Variants in RNF180 observed in about 807,000 individuals in gnomAD.
RNF180 encodes the protein ring finger protein 180, also known as E3 ubiquitin-protein ligase RNF180.
In RNF180, 38 loss-of-function variants were observed where a neutral mutation model predicts 59.2. That is an observed-to-expected ratio of 0.64 (90% CI 0.50 to 0.84). RNF180 has a LOEUF of 0.84. Among genes scored for constraint, RNF180 ranks in the 40% least tolerant of loss-of-function variants. RNF180 has a pLI of 0.00. For missense variants in RNF180, 705 were observed against 700.9 expected (o/e 1.01, Z -0.07); for synonymous variants, 262 against 240.3 (o/e 1.09, Z -0.84).
intron 5 of RNF180, among the ~76,000 whole-genome samples, chr5:64,319,946 A>T (rs911762997): frequency 1.3e-5 from 2 of 152,228 alleles, no homozygotes; most frequent in Non-Finnish European, 2.9e-5. Context: ...AACATTGTTT[A>T]AAAAAGTCAG....
chr5:64,354,907 T>C (rs1745956616), intron 7 of RNF180, among the ~76,000 whole-genome samples: 1 of 151,670 alleles, frequency 6.6e-6, no homozygotes, highest in Non-Finnish European at 1.5e-5. Context: ...AGACTAGGAG[T>C]AGAAGAAGAC....
intron 5 of RNF180, among the ~76,000 whole-genome samples, chr5:64,253,416 C>A (rs961338884): frequency 6.6e-6 from 1 of 152,090 alleles, no homozygotes; most frequent in African/African-American, 2.4e-5. Context: ...TATTTCAATA[C>A]TAATATTTAT....
intron 1 of RNF180, among the ~76,000 whole-genome samples, chr5:64,198,657 C>T (rs968833841): frequency 1.3e-5 from 2 of 152,108 alleles, no homozygotes; most frequent in South Asian, 4.1e-4. Flanking sequence ...ATGAATCCTC[C>T]CTGCAGTCCC....
chr5:64,347,918 T>C (rs180815390), intron 7 of RNF180, among the ~76,000 whole-genome samples: 73 of 152,284 alleles, frequency 4.8e-4, no homozygotes, highest in African/African-American at 1.8e-3. Context: ...ATAAATGTTT[T>C]AGCTTTGCTA....
intron 2 of RNF180, among the ~76,000 whole-genome samples, chr5:64,202,474 G>A (rs1163973589): frequency 6.6e-6 from 1 of 152,044 alleles, no homozygotes. Context: ...TTGTGGTCAT[G>A]TTTTATTATT....
chr5:64,165,612 A>G (rs1054446348), upstream of RNF180, among the ~76,000 whole-genome samples: 2 of 152,132 alleles, frequency 1.3e-5, no homozygotes, highest in Non-Finnish European at 2.9e-5. Flanking sequence ...AAGGGAGAAA[A>G]ACTTTCCCAC....
chr5:64,213,446 C>A (rs1267729380), intron 3 of RNF180, 112 bp from the exon 4 acceptor site: 2 of 884,762 alleles, frequency 2.3e-6, no homozygotes, highest in Non-Finnish European at 3.5e-6. Flanking sequence ...AGAAAGCTAG[C>A]CTTTTCTGTG....
intron 5 of RNF180, among the ~76,000 whole-genome samples, chr5:64,278,157 G>A (rs867588425): frequency 2.0e-5 from 3 of 152,104 alleles, no homozygotes; most frequent in African/African-American, 2.4e-5. Context: ...GCTGAGTGTC[G>A]AAATGGCATG....
At chr5:64,216,828 G>GT (rs916719256) in intron 4 of RNF180, among the ~76,000 whole-genome samples, 2 of 151,980 alleles carry the variant, frequency 1.3e-5, no homozygotes, top group Non-Finnish European at 2.9e-5. Flanking sequence ...TAGTCCTTTT[G>GT]TTTTTCATTT....
At chr5:64,250,026 T>C (rs940415649) in intron 5 of RNF180, among the ~76,000 whole-genome samples, 2 of 152,292 alleles carry the variant, frequency 1.3e-5, no homozygotes, top group African/African-American at 4.8e-5. Flanking sequence ...TTTTCTCAAC[T>C]GCACATGGAA....
intron 1 of RNF180, among the ~76,000 whole-genome samples, chr5:64,195,586 T>C (rs796143964): frequency 2.0e-5 from 3 of 152,310 alleles, no homozygotes; most frequent in African/African-American, 7.2e-5. Context: ...AATTTTACCA[T>C]TGGCTAATTG....
intron 5 of RNF180, among the ~76,000 whole-genome samples, chr5:64,266,222 T>C (rs909907490): frequency 6.6e-6 from 1 of 152,206 alleles, no homozygotes; most frequent in Non-Finnish European, 1.5e-5. Context: ...TTATTTCTTT[T>C]GCCTGATTGC....
intron 5 of RNF180, among the ~76,000 whole-genome samples, chr5:64,247,522 G>C (rs930861544): frequency 1.3e-5 from 2 of 152,074 alleles, no homozygotes; most frequent in Non-Finnish European, 2.9e-5. Context: ...GCTTCAAAGA[G>C]AATAAAATAC....
chr5:64,179,170 T>C (rs1466920706), intron 1 of RNF180, among the ~76,000 whole-genome samples: 1 of 152,180 alleles, frequency 6.6e-6, no homozygotes, highest in South Asian at 2.1e-4. Context: ...ACTTATGGGA[T>C]AGAAAATATG....
intron 1 of RNF180, among the ~76,000 whole-genome samples, chr5:64,196,568 A>T (rs1385712284): frequency 1.3e-5 from 2 of 152,038 alleles, no homozygotes; most frequent in African/African-American, 2.4e-5. Context: ...AATTTTGACC[A>T]TTCTTGAATT....
chr5:64,362,731 C>T (rs1746306333), intron 7 of RNF180, among the ~76,000 whole-genome samples: 1 of 151,886 alleles, frequency 6.6e-6, no homozygotes, highest in South Asian at 2.1e-4. Flanking sequence ...TTCTTTTTCT[C>T]TGCAATCTCA....
intron 5 of RNF180, among the ~76,000 whole-genome samples, chr5:64,218,530 T>C (rs1752751736): frequency 6.6e-6 from 1 of 152,232 alleles, no homozygotes; most frequent in South Asian, 2.1e-4. Flanking sequence ...GTTATTCTTT[T>C]TCAAAATGGT....
At chr5:64,357,695 G>C (rs1393644957) in intron 7 of RNF180, among the ~76,000 whole-genome samples, 2 of 151,718 alleles carry the variant, frequency 1.3e-5, no homozygotes, top group Non-Finnish European at 2.9e-5. Flanking sequence ...AAAAATTAGT[G>C]AGATAACTGT....
intron 5 of RNF180, among the ~76,000 whole-genome samples, chr5:64,323,888 C>A (rs764468894): frequency 7.9e-5 from 12 of 152,158 alleles, no homozygotes; most frequent in Non-Finnish European, 1.3e-4. Context: ...CTGCCTCTTT[C>A]CTAACTACAG....
Sources: allele counts gnomAD v4.1 joint callset (sites outside exome capture counted in the v4.1 genomes callset), GRCh38; gene constraint gnomAD v4.1.1; transcripts MANE v1.5; gene names NCBI Gene and HGNC (gene_info 2026-07-23, HGNC 2026-07-21).